The following ARB2A variants were observed in gnomAD, a reference collection of about 807,000 sequenced individuals.
ARB2A encodes the protein cotranscriptional regulator ARB2A.
the ARB2A span, among the ~76,000 whole-genome samples, chr5:93,644,984 C>T: frequency 2.0e-5 from 3 of 152,088 alleles, no homozygotes; most frequent in South Asian, 2.1e-4. Flanking sequence ...AGATAAGCTA[C>T]GAACACAAAC....
At chr5:93,947,394 T>C in the ARB2A span, among the ~76,000 whole-genome samples, 1 of 152,134 alleles carries the variant, frequency 6.6e-6, no homozygotes, top group Non-Finnish European at 1.5e-5. Context: ...ACCTGGTACC[T>C]TTAGCAAAGA....
chr5:93,983,071 A>C, the ARB2A span, among the ~76,000 whole-genome samples: 1 of 152,214 alleles, frequency 6.6e-6, no homozygotes, highest in African/African-American at 2.4e-5. Context: ...TAAACATAGA[A>C]AAGGTAGAGT....
At chr5:94,012,544 T>A in the ARB2A span, among the ~76,000 whole-genome samples, 1 of 152,188 alleles carries the variant, frequency 6.6e-6, no homozygotes, top group African/African-American at 2.4e-5. Flanking sequence ...ATGAGACAAC[T>A]GGAACAGAGC....
At chr5:93,660,456 A>C in the ARB2A span, among the ~76,000 whole-genome samples, 8 of 152,296 alleles carry the variant, frequency 5.3e-5, no homozygotes, top group African/African-American at 1.9e-4. Flanking sequence ...TTTTTAAAGA[A>C]GACCAGAGAT....
chr5:93,769,677 C>T, the ARB2A span, among the ~76,000 whole-genome samples: 1 of 152,152 alleles, frequency 6.6e-6, no homozygotes, highest in East Asian at 1.9e-4. Flanking sequence ...AGCACAGGCC[C>T]AGAAAGCAAT....
chr5:93,822,324 A>C, the ARB2A span, among the ~76,000 whole-genome samples: 2 of 152,182 alleles, frequency 1.3e-5, no homozygotes, highest in South Asian at 4.1e-4. Context: ...AGTGTGTGAC[A>C]AGCAGGACGG....
the ARB2A span, among the ~76,000 whole-genome samples, chr5:94,091,041 A>G: frequency 6.6e-6 from 1 of 152,248 alleles, no homozygotes; most frequent in Non-Finnish European, 1.5e-5. Flanking sequence ...GTTCATTATT[A>G]AGGGTTGACC....
the ARB2A span, among the ~76,000 whole-genome samples, chr5:93,664,612 C>A: frequency 6.7e-6 from 1 of 149,386 alleles, no homozygotes; most frequent in African/African-American, 2.5e-5. Context: ...GCCTGGGCGA[C>A]AGAGCGAGAC....
At chr5:93,777,617 C>G in the ARB2A span, among the ~76,000 whole-genome samples, 1 of 151,940 alleles carries the variant, frequency 6.6e-6, no homozygotes, top group African/African-American at 2.4e-5. Flanking sequence ...TCCCATCAAT[C>G]ATTTTGCCAA....
the ARB2A span, among the ~76,000 whole-genome samples, chr5:93,890,382 A>G: frequency 6.6e-6 from 1 of 151,682 alleles, no homozygotes; most frequent in Non-Finnish European, 1.5e-5. Context: ...CAGCAACAGA[A>G]TTACTTTCAT....
At chr5:94,075,670 A>G in the ARB2A span, among the ~76,000 whole-genome samples, 1 of 152,316 alleles carries the variant, frequency 6.6e-6, no homozygotes, top group South Asian at 2.1e-4. Context: ...TTGACTTGCT[A>G]TCCATAAGGT....
At chr5:93,884,181 T>C in the ARB2A span, among the ~76,000 whole-genome samples, 1 of 151,636 alleles carries the variant, frequency 6.6e-6, no homozygotes, top group Non-Finnish European at 1.5e-5. Context: ...AGGTAAACTC[T>C]TTGAACAAAA....
chr5:94,072,277 C>T, the ARB2A span, among the ~76,000 whole-genome samples: 103 of 152,120 alleles, frequency 6.8e-4, no homozygotes, highest in African/African-American at 2.4e-3. Context: ...AGTGGTGGAA[C>T]ACTTCTGTAT....
the ARB2A span, among the ~76,000 whole-genome samples, chr5:93,872,112 C>T: frequency 6.6e-6 from 1 of 151,974 alleles, no homozygotes; most frequent in Admixed American, 6.6e-5. Flanking sequence ...CCATGCCCGG[C>T]TATTTTTGTA....
chr5:93,812,116 T>C, the ARB2A span, among the ~76,000 whole-genome samples: 1 of 152,128 alleles, frequency 6.6e-6, no homozygotes, highest in African/African-American at 2.4e-5. Context: ...GTTTACAATA[T>C]ACTAAAGATA....
At chr5:94,005,205 G>T in the ARB2A span, among the ~76,000 whole-genome samples, 1,652 of 151,458 alleles carry the variant, frequency 0.011, 21 homozygotes, top group African/African-American at 0.037. Flanking sequence ...TGTTTTTTTT[G>T]TTGTTGTTGT....
At chr5:93,813,938 A>G in the ARB2A span, among the ~76,000 whole-genome samples, 1 of 152,200 alleles carries the variant, frequency 6.6e-6, no homozygotes, top group African/African-American at 2.4e-5. Context: ...AGGTTCTGCT[A>G]GTTTCTTTGA....
the ARB2A span, among the ~76,000 whole-genome samples, chr5:93,704,333 G>T: frequency 6.6e-6 from 1 of 152,170 alleles, no homozygotes; most frequent in South Asian, 2.1e-4. Context: ...TACTGTGAGA[G>T]GCTGAGGCGG....
the ARB2A span, among the ~76,000 whole-genome samples, chr5:93,654,263 C>A: frequency 6.6e-6 from 1 of 152,252 alleles, no homozygotes; most frequent in South Asian, 2.1e-4. Flanking sequence ...TAAGCAAGGG[C>A]TCTGTGTAAT....
Sources: allele counts gnomAD v4.1 joint callset (sites outside exome capture counted in the v4.1 genomes callset), GRCh38; gene constraint gnomAD v4.1.1; transcripts MANE v1.5; gene names NCBI Gene and HGNC (gene_info 2026-07-23, HGNC 2026-07-21).